Variants in DTNB observed in about 807,000 individuals in gnomAD.
DTNB encodes the protein DTN-B.
DTNB carries 63 observed loss-of-function variants against 90.7 expected under a neutral mutation model. The ratio of observed to expected loss-of-function variants is 0.69; its 90% CI spans 0.57 to 0.86. DTNB has a LOEUF of 0.86. DTNB is among the 40% of genes least tolerant of loss of function. The pLI is 0.00. For synonymous variants in DTNB, 277 were observed against 286.7 expected, an observed-to-expected ratio of 0.97 and a Z score of 0.34; for missense variants, 744 against 807.1, an observed-to-expected ratio of 0.92 and a Z score of 0.95.
chr2:25,609,681 C>T (rs1007684745), intron 4 of DTNB, among the ~76,000 whole-genome samples: 79 of 149,658 alleles, frequency 5.3e-4, no homozygotes, highest in African/African-American at 9.9e-4. Flanking sequence ...CACACACACA[C>T]ACACACACAC....
intron 6 of DTNB, among the ~76,000 whole-genome samples, chr2:25,590,509 A>G (rs1183587523): frequency 6.6e-6 from 1 of 151,982 alleles, no homozygotes; most frequent in Non-Finnish European, 1.5e-5. Flanking sequence ...TTCTCTCTGC[A>G]GCTGATCGTC....
At position 25,435,023 on chromosome 2, in the gene DTNB, AT is replaced by A. The variant is rs939496574; in HGVS notation, c.1258-1029del. 4.5e-3 allele frequency among the ~76,000 whole-genome samples: 687 copies of A among 151,772 alleles called. 6 individuals are homozygous for A. Among genetic ancestry groups the A allele is most frequent in the African/African-American group, 0.016 (642 of 41,380 alleles). On this transcript the variant is annotated intron_variant, in intron 12 of 20. Transcript: ENST00000406818. ...CTTTTAAAAAGCATATAATTCAGTA[AT>A]TTTTTTTCCTTTTTGAGACAGAGTC...
chr2:25,537,713 T>C (rs2080155980), intron 8 of DTNB, among the ~76,000 whole-genome samples: 1 of 152,182 alleles, frequency 6.6e-6, no homozygotes, highest in Admixed American at 6.5e-5. Context: ...AAGCAAGAGT[T>C]TGAAAAATGC....
chr2:25,631,535 T>C (rs1255138813), intron 3 of DTNB, among the ~76,000 whole-genome samples: 1 of 149,382 alleles, frequency 6.7e-6, no homozygotes, highest in South Asian at 2.1e-4. Context: ...ATTGTGTCAC[T>C]GCACTTCAAC....
At chr2:25,460,739 A>C (rs908816351) in intron 10 of DTNB, among the ~76,000 whole-genome samples, 1 of 152,170 alleles carries the variant, frequency 6.6e-6, no homozygotes, top group Admixed American at 6.6e-5. Flanking sequence ...TTTTGGCAAA[A>C]TAACAGGAGG....
intron 8 of DTNB, among the ~76,000 whole-genome samples, chr2:25,559,316 C>T (rs1480296810): frequency 6.6e-6 from 1 of 152,172 alleles, no homozygotes; most frequent in Non-Finnish European, 1.5e-5. Context: ...ACCTACGGCT[C>T]TAGGAGGAAA....
intron 5 of DTNB, 161 bp from the exon 6 acceptor site, chr2:25,596,401 A>G: frequency 1.3e-6 from 1 of 776,946 alleles, no homozygotes; most frequent in South Asian, 2.4e-5. Flanking sequence ...ATCCTTATTA[A>G]CACTGTGTGG....
At chr2:25,461,804 T>C (rs927243516) in intron 10 of DTNB, among the ~76,000 whole-genome samples, 4 of 152,230 alleles carry the variant, frequency 2.6e-5, no homozygotes, top group African/African-American at 7.2e-5. Flanking sequence ...AGTAAGTGTT[T>C]TGATGAGCGG....
rs139134852 is a variant in DTNB, at chr2:25,647,741, A to T, written c.67+4853T>A. 2.2e-3 allele frequency among the ~76,000 whole-genome samples: 329 copies of T among 152,244 alleles called. 4 individuals carry two copies. The highest frequency in any genetic ancestry group is 7.2e-3 in the African/African-American group (299 of 41,554). ...CAGCCAATCAACCAACCAACTGATC[A>T]ATAAAAAGATATTTTTAAGTAATTA... On this transcript the variant is annotated intron_variant, in intron 2 of 20. Transcript: ENST00000406818.
rs2050788529 is a variant in DTNB, at chr2:25,424,357, A to T, written c.1554+3178T>A. Among the ~76,000 whole-genome samples the T allele has an allele frequency of 1.3e-5, 2 of 152,252 alleles. No homozygotes were observed. Among genetic ancestry groups the T allele is most frequent in the African/African-American group, 4.8e-5 (2 of 41,550 alleles). ...AAAGAAACTCAGGGTTTGGGATCAGAGTTGCGGGCATTAGCTCGTTCTGCT... is the reference window on the plus strand; with the variant it reads ...AAAGAAACTCAGGGTTTGGGATCAGTGTTGCGGGCATTAGCTCGTTCTGCT... On this transcript the variant is annotated intron_variant, in intron 15 of 20. Transcript: ENST00000406818. This position sits in a 1 kb window ranked among gnomAD's most constrained non-coding sequence, Gnocchi z 4.1.
Position 25,387,238 on chromosome 2 carries a change from G to A in DTNB, c.1825+51C>T, listed in dbSNP as rs570258680. On this transcript the variant is annotated intron_variant, in intron 18 of 20. Transcript: ENST00000406818. The surrounding 1 kb of genome is among the most constrained non-coding windows in gnomAD (Gnocchi z 4.5). ...GTGCTGGCAAGGAAGTGAGAAGGGCGCGGGCAAGGCAGGGGAGGCCAGGAA... is the reference window on the plus strand; with the variant it reads ...GTGCTGGCAAGGAAGTGAGAAGGGCACGGGCAAGGCAGGGGAGGCCAGGAA... 1,109 of 1,566,544 alleles carry A rather than the reference G, an allele frequency of 7.1e-4. 15 individuals are homozygous for A. The South Asian group carries it at 0.012, about 16-fold the overall frequency.
At chr2:25,475,042 G>C (rs1457734120) in intron 10 of DTNB, among the ~76,000 whole-genome samples, 1 of 152,008 alleles carries the variant, frequency 6.6e-6, no homozygotes, top group Non-Finnish European at 1.5e-5. Flanking sequence ...ATTGAAATTA[G>C]GCCAGTTCAT....
At chr2:25,628,436 C>A (rs1348732311) in intron 3 of DTNB, 52 bp from the exon 4 acceptor site, 7 of 1,514,836 alleles carry the variant, frequency 4.6e-6, no homozygotes, top group Non-Finnish European at 6.3e-6. Flanking sequence ...TGGTACTACC[C>A]TTCACAATAG....
At chr2:25,619,089 C>G (rs1157839548) in intron 4 of DTNB, among the ~76,000 whole-genome samples, 1 of 152,052 alleles carries the variant, frequency 6.6e-6, no homozygotes, top group Non-Finnish European at 1.5e-5. Flanking sequence ...CTAACCAAAT[C>G]TGGATGACGT....
At chr2:25,585,543 G>A (rs1280110874) in intron 6 of DTNB, among the ~76,000 whole-genome samples, 1 of 152,078 alleles carries the variant, frequency 6.6e-6, no homozygotes, top group African/African-American at 2.4e-5. Flanking sequence ...ATTTTTAAAA[G>A]GGGAGAGGAG....
At chr2:25,388,400 C>T (rs375499747) in intron 16 of DTNB, 39 bp from the exon 17 acceptor site, 184 of 1,562,532 alleles carry the variant, frequency 1.2e-4, no homozygotes, top group Non-Finnish European at 1.5e-4. Context: ...ATCTCAAGTA[C>T]CTGACCTCTT....
chr2:25,471,814 G>T, intron 10 of DTNB, among the ~76,000 whole-genome samples: 1 of 127,084 alleles, frequency 7.9e-6, no homozygotes, highest in African/African-American at 3.1e-5. Flanking sequence ...GAGTAAATAA[G>T]CTCAATGAGG....
At chr2:25,639,305 T>C (rs1489071337) in intron 2 of DTNB, 6 of 418,970 alleles carry the variant, frequency 1.4e-5, no homozygotes, top group Admixed American at 3.9e-5. Flanking sequence ...GTCTAGCTCC[T>C]GATATCCTGT....
chr2:25,561,564 G>A (rs754347088), intron 8 of DTNB, among the ~76,000 whole-genome samples: 6 of 152,176 alleles, frequency 3.9e-5, no homozygotes, highest in Non-Finnish European at 8.8e-5. Context: ...GAGGTGGGGC[G>A]TGGTGGGAGG....
Sources: gnomAD v4.1 joint callset for allele counts (sites outside exome capture counted in the v4.1 genomes callset) on GRCh38, gnomAD v4.1.1 for gene constraint, Gnocchi (gnomAD v3.1) non-coding constraint, MANE v1.5 for transcripts, NCBI Gene and HGNC (gene_info 2026-07-23, HGNC 2026-07-21) for gene names.